The following DLC1 variants were observed in gnomAD, a reference collection of about 807,000 sequenced individuals.
The protein encoded by DLC1 is rho GTPase-activating protein 7.
Under a neutral mutation model 140.3 loss-of-function variants are expected in DLC1, and 54 were observed. That is an observed-to-expected ratio of 0.38 (90% CI 0.31 to 0.48). The LOEUF (loss-of-function observed/expected upper bound fraction) is 0.48. DLC1 is among the 20% of genes least tolerant of loss of function. The pLI, the probability that DLC1 is intolerant of heterozygous loss-of-function variation, is 0.96. For missense variants in DLC1, 2,536 were observed against 1,907.0 expected (o/e 1.33, Z -6.14); for synonymous variants, 986 against 728.1 (o/e 1.35, Z -5.70).
At chr8:13,597,312 G>A (rs181454851) in intron 1 of DLC1, among the ~76,000 whole-genome samples, 2 of 152,136 alleles carry the variant, frequency 1.3e-5, no homozygotes, top group East Asian at 1.9e-4. Context: ...GACAGAAGAC[G>A]TGATTAGGCC....
intron 5 of DLC1, among the ~76,000 whole-genome samples, chr8:13,282,265 C>G (rs1831389395): frequency 6.6e-6 from 1 of 152,180 alleles, no homozygotes; most frequent in Non-Finnish European, 1.5e-5. Context: ...GTTTAATCCT[C>G]TCGATCATTT....
rs1245130963 is a variant in DLC1, at chr8:13,149,900, A to C, written c.1349-34243T>G. On this transcript the variant is annotated intron_variant, in intron 5 of 17. Transcript: ENST00000276297. ...ATACTTGCCTAAATGAATTACTCTC[A>C]AAATCCAAAACTGAGACTTCATTCT... 2.0e-5 allele frequency among the ~76,000 whole-genome samples: 3 copies of C among 152,240 alleles called. No homozygotes were observed. In the East Asian group the frequency reaches 5.8e-4, roughly 29 times the overall value.
At chr8:13,478,686 T>G (rs554950125) in intron 2 of DLC1, among the ~76,000 whole-genome samples, 2 of 152,330 alleles carry the variant, frequency 1.3e-5, no homozygotes, top group East Asian at 3.9e-4. Flanking sequence ...CAATAATATT[T>G]CCTCTACTGA....
chr8:13,538,200 C>T (rs1803358770), intron 1 of DLC1, among the ~76,000 whole-genome samples: 1 of 152,054 alleles, frequency 6.6e-6, no homozygotes, highest in African/African-American at 2.4e-5. Context: ...AATATGACGA[C>T]CACCTGAGCT....
At chr8:13,354,302 C>G (rs1269187571) in intron 4 of DLC1, among the ~76,000 whole-genome samples, 3 of 152,096 alleles carry the variant, frequency 2.0e-5, no homozygotes, top group Non-Finnish European at 4.4e-5. Flanking sequence ...CTGTAATATA[C>G]TTTATTGTCT....
intron 1 of DLC1, among the ~76,000 whole-genome samples, chr8:13,522,264 C>T (rs80176727): frequency 0.019 from 2,853 of 152,130 alleles, 97 homozygotes; most frequent in African/African-American, 0.066. Flanking sequence ...TTAAATACAA[C>T]CTTACAAACA....
intron 5 of DLC1, among the ~76,000 whole-genome samples, chr8:13,174,776 C>A (rs115361430): frequency 0.017 from 2,620 of 152,170 alleles, 71 homozygotes; most frequent in African/African-American, 0.059. Context: ...TTGTCAGATG[C>A]AGAGTTCAGG....
At chr8:13,471,373 G>T (rs1223354482) in intron 2 of DLC1, among the ~76,000 whole-genome samples, 1 of 151,802 alleles carries the variant, frequency 6.6e-6, no homozygotes, top group Non-Finnish European at 1.5e-5. Flanking sequence ...GATTGATTGT[G>T]GCCATTATTC....
At chr8:13,427,314 C>T (rs1195962105) in intron 2 of DLC1, among the ~76,000 whole-genome samples, 1 of 152,162 alleles carries the variant, frequency 6.6e-6, no homozygotes, top group Non-Finnish European at 1.5e-5. Flanking sequence ...GACACTGGCT[C>T]ATTCTGTTCT....
At position 13,099,480 on chromosome 8, in the gene DLC1, C is replaced by T; in HGVS notation, c.2857G>A (p.Asp953Asn). ...CPSSPKQIHL[D>N]VDNDRTTPSD... is the part of the protein sequence containing the mutation. ...GGTGTGGTTCGGTCGTTGTCCACAT[C>T]CAGGTGTATCTGTTTTGGAGAGGAC... The change falls in exon 9 of 18, where the codon GAT becomes AAT. Residue 953 changes from aspartate to asparagine, a missense_variant. Coordinates refer to ENST00000276297, the MANE Select transcript of DLC1 (RefSeq NM_182643.3). 6.2e-7 allele frequency: 1 copy of T among 1,614,140 alleles called. No individual in the cohort carries two copies. The highest frequency in any genetic ancestry group is 8.5e-7 in the Non-Finnish European group (1 of 1,180,026).
chr8:13,551,962 T>C (rs1301263576), intron 1 of DLC1, among the ~76,000 whole-genome samples: 3 of 146,522 alleles, frequency 2.0e-5, no homozygotes, highest in Admixed American at 6.9e-5. Context: ...TAGACAGGTG[T>C]ATATGTATAT....
intron 3 of DLC1, 52 bp downstream of exon 3, chr8:13,401,418 G>A (rs2306484): frequency 6.9e-6 from 11 of 1,598,094 alleles, no homozygotes; most frequent in Non-Finnish European, 9.4e-6. Flanking sequence ...GACTGTATAA[G>A]GTCAAGAGTT....
chr8:13,181,782 T>G (rs1408941617), intron 5 of DLC1, among the ~76,000 whole-genome samples: 1 of 152,214 alleles, frequency 6.6e-6, no homozygotes, highest in Non-Finnish European at 1.5e-5. Context: ...TTGTGAATAG[T>G]GCTGCAATAA....
chr8:13,135,675 C>T (rs1032265352), intron 5 of DLC1, among the ~76,000 whole-genome samples: 1 of 152,174 alleles, frequency 6.6e-6, no homozygotes, highest in African/African-American at 2.4e-5. Flanking sequence ...CACCAATTCT[C>T]AGAATAAGTT....
At chr8:13,353,470 T>C (rs1834772639) in intron 4 of DLC1, 1 of 151,708 alleles carries the variant, frequency 6.6e-6, no homozygotes, top group African/African-American at 2.4e-5. Flanking sequence ...GAAGAGAATA[T>C]AGAATATGAT....
intron 2 of DLC1, among the ~76,000 whole-genome samples, chr8:13,412,410 G>A (rs959613467): frequency 1.8e-4 from 27 of 152,156 alleles, no homozygotes; most frequent in Admixed American, 1.1e-3. Flanking sequence ...ACCTATCTTA[G>A]AAAATTACTT....
chr8:13,603,556 G>A (rs753404137), intron 1 of DLC1, among the ~76,000 whole-genome samples: 3 of 151,898 alleles, frequency 2.0e-5, no homozygotes, highest in African/African-American at 2.4e-5. Flanking sequence ...CAAAAAAGGT[G>A]CATGTTAAAT....
At chr8:13,181,142 G>A (rs1826006691) in intron 5 of DLC1, among the ~76,000 whole-genome samples, 1 of 151,524 alleles carries the variant, frequency 6.6e-6, no homozygotes, top group Admixed American at 6.6e-5. Flanking sequence ...CCCCCTTGTT[G>A]TTTCTTGAAA....
At chr8:13,171,925 C>T (rs990977710) in intron 5 of DLC1, among the ~76,000 whole-genome samples, 6 of 152,230 alleles carry the variant, frequency 3.9e-5, no homozygotes, top group South Asian at 2.1e-4. Flanking sequence ...CCTACGGCTA[C>T]GGGTATCTGA....
Sources: allele counts gnomAD v4.1 joint callset (sites outside exome capture counted in the v4.1 genomes callset), GRCh38; gene constraint gnomAD v4.1.1; transcripts MANE v1.5; gene names NCBI Gene and HGNC (gene_info 2026-07-23, HGNC 2026-07-21).